The following KRT14 variants were observed in gnomAD, a reference collection of about 807,000 sequenced individuals.
The protein encoded by KRT14 is keratin, type I cytoskeletal 14.
KRT14 carries 30 observed loss-of-function variants against 44.5 expected under a neutral mutation model. The observed-to-expected ratio is 0.67, with a 90% CI of 0.50 to 0.92. The LOEUF (loss-of-function observed/expected upper bound fraction) is 0.92, where lower values mean the gene tolerates loss of function less well. Ranked by LOEUF, KRT14 falls within the 40% of genes least tolerant of loss-of-function variation. The pLI, the probability that KRT14 is intolerant of heterozygous loss-of-function variation, is 0.00. For missense variants in KRT14, 535 were observed against 640.6 expected (o/e 0.84, Z 1.78); for synonymous variants, 241 against 257.6 (o/e 0.94, Z 0.62).
chr17:41,584,059 CTCTCTCTCTCTTTT>C, intron 3 of KRT14, 138 bp from the exon 4 acceptor site: 1 of 542,868 alleles, frequency 1.8e-6, no homozygotes, highest in Non-Finnish European at 2.9e-6. Context: ...CAATCTCTCT[CTCTCTCTCTCTTTT>C]TTTTTTTTTT....
Position 41,583,110 on chromosome 17 carries a change from C to G in KRT14, c.1305G>C (p.Ser435=). 7 of 1,612,592 alleles carry G rather than the reference C, an allele frequency of 4.3e-6. No individual in the cohort carries two copies. The highest frequency in any genetic ancestry group is 5.9e-6 in the Non-Finnish European group (7 of 1,179,854). ...HLSSSQFSSG[S]QSSRDVTSSS... ...GGGTCTTACCATCTCTGGATGACTG[C>G]GATCCAGAGGAGAACTGGGAGGAGG... Residue 435 remains serine (S), a synonymous_variant, in exon 7 of 8, where the codon TCG becomes TCC. Coordinates refer to ENST00000167586, the MANE Select transcript of KRT14 (RefSeq NM_000526.5).
chr17:41,586,713 C>G lies in KRT14; in HGVS notation c.122G>C (p.Arg41Pro), dbSNP rs566001198. ...GCCGCCCCCGTAGGTGCTGGGGGCG[C>G]GGCAGGACCCTCCGGCCAGGACGGA... Reference protein sequence around the residue: ...ISSVLAGGSCRAPSTYGGGLS... With the variant: ...ISSVLAGGSCPAPSTYGGGLS... The change falls in exon 1 of 8, where the codon CGC becomes CCC. Residue 41 changes from arginine (R) to proline (P), a missense_variant. Transcript: ENST00000167586. The G allele has an allele frequency of 4.4e-6, 7 of 1,589,174 alleles. No homozygotes were observed. In the South Asian group the frequency reaches 7.9e-5, roughly 18 times the overall value.
intron 2 of KRT14, among the ~76,000 whole-genome samples, chr17:41,584,717 T>C (rs1245072177): frequency 6.6e-6 from 1 of 152,172 alleles, no homozygotes; most frequent in Non-Finnish European, 1.5e-5. Flanking sequence ...CAAGGGCAGC[T>C]GGGGAAGTGG....
In KRT14 at chr17:41,582,345, C is replaced by T; in HGVS notation, c.*90G>A. 3.2e-6 allele frequency: 3 copies of T among 944,592 alleles called. No individual in the cohort carries two copies. Among genetic ancestry groups the T allele is most frequent in the East Asian group, 2.6e-5 (1 of 37,970 alleles). 58.5% of individuals were successfully genotyped at this position (944,592 alleles called of 1,614,324 possible). ...GGGGTGAGGGTGAAGCAGGGTCCAGCTGTGAAGTGCTTGGGCAGGAGAGGG... is the reference window on the plus strand; with the variant it reads ...GGGGTGAGGGTGAAGCAGGGTCCAGTTGTGAAGTGCTTGGGCAGGAGAGGG... On this transcript the variant is annotated 3_prime_UTR_variant, in exon 8 of 8. Coordinates refer to ENST00000167586, the MANE Select transcript of KRT14 (RefSeq NM_000526.5).
Position 41,583,114 on chromosome 17 carries a change from C to A in KRT14, c.1301G>T (p.Gly434Val), listed in dbSNP as rs1211121675. 1 of 1,613,118 alleles carries A rather than the reference C, an allele frequency of 6.2e-7. No homozygotes were observed. The highest frequency in any genetic ancestry group is 1.3e-5 in the African/African-American group (1 of 74,820). The change falls in exon 7 of 8, where the codon GGA (glycine) becomes GTA (valine). Residue 434 changes from glycine (G) to valine (V), a missense_variant. Physicochemically the swap from Gly to Val is moderately radical, Grantham distance 109. Transcript: ENST00000167586. ...AHLSSSQFSS[G>V]SQSSRDVTSS... is the part of the protein sequence containing the mutation. ...CTTACCATCTCTGGATGACTGCGATCCAGAGGAGAACTGGGAGGAGGAGAG... is the reference window on the plus strand; with the variant it reads ...CTTACCATCTCTGGATGACTGCGATACAGAGGAGAACTGGGAGGAGGAGAG...
At position 41,586,746 on chromosome 17, in the gene KRT14, C is replaced by T. The variant is rs756137651; in HGVS notation, c.89G>A (p.Arg30His). The T allele has an allele frequency of 8.8e-6, 14 of 1,584,344 alleles. No homozygotes were observed. The highest frequency in any genetic ancestry group is 6.7e-5 in the African/African-American group (5 of 74,170). The change falls in exon 1 of 8, where the codon CGC becomes CAC. Residue 30 changes from arginine (R) to histidine (H), a missense_variant. By Grantham distance (29) the Arg-to-His change is conservative. Coordinates refer to ENST00000167586, the MANE Select transcript of KRT14 (RefSeq NM_000526.5). ...IGGGIGGGSS[R>H]ISSVLAGGSC... is the part of the protein sequence containing the mutation. ...CCCTCCGGCCAGGACGGAGGAGATG[C>T]GGCTGGAGCCGCCCCCGATGCCGCC...
intron 7 of KRT14, chr17:41,582,868 A>G: frequency 1.6e-6 from 1 of 615,488 alleles, no homozygotes; most frequent in Non-Finnish European, 2.9e-6. Context: ...CACAACAGCA[A>G]TAGGATCTGC....
At chr17:41,583,703 C>A in intron 4 of KRT14, 27 bp from the exon 5 acceptor site, 1 of 1,614,266 alleles carries the variant, frequency 6.2e-7, no homozygotes, top group South Asian at 1.1e-5. Flanking sequence ...GCCATTCACA[C>A]CAGAAGGCCC....
At chr17:41,583,982 T>G in intron 3 of KRT14, 61 bp from the exon 4 acceptor site, 1 of 1,593,788 alleles carries the variant, frequency 6.3e-7, no homozygotes, top group Non-Finnish European at 8.6e-7. Flanking sequence ...TTGGTGTTCC[T>G]TAGGCCTGAA....
chr17:41,583,464 G>T lies in KRT14; in HGVS notation c.1054-9C>A, dbSNP rs780581857. ...TTCTCCAGGGATGCTTTCTGTGAGG[G>T]AGGGAAAGGGAATCAACGATTAGTG... On this transcript the variant is annotated splice_polypyrimidine_tract_variant and intron_variant, in intron 5 of 7. Coordinates refer to ENST00000167586, the MANE Select transcript of KRT14 (RefSeq NM_000526.5). 1 of 1,614,068 alleles carries T rather than the reference G, an allele frequency of 6.2e-7. No homozygotes were observed. Among genetic ancestry groups the T allele is most frequent in the African/African-American group, 1.3e-5 (1 of 74,932 alleles).
Position 41,583,412 on chromosome 17 carries a change from T to C in KRT14, c.1097A>G (p.Tyr366Cys), listed in dbSNP as rs1292636690. Reference sequence around the variant, plus strand: ...CTGGATCTGGGCCAGCTGCATGCAGTAGCGACCTTTGGTCTCCTCCAGGCT... The same window carrying C: ...CTGGATCTGGGCCAGCTGCATGCAGCAGCGACCTTTGGTCTCCTCCAGGCT... ...ENSLEETKGR[Y>C]CMQLAQIQEM... Residue 366 changes from tyrosine to cysteine, a missense_variant, in exon 6 of 8, where the codon TAC becomes TGC. Coordinates refer to ENST00000167586, the MANE Select transcript of KRT14 (RefSeq NM_000526.5). The C allele has an allele frequency of 6.2e-7, 1 of 1,613,992 alleles. No individual in the cohort carries two copies. The highest frequency in any genetic ancestry group is 1.7e-5 in the Admixed American group (1 of 60,024).
Position 41,582,318 on chromosome 17 carries a change from A to C in KRT14, c.*117T>G. The C allele has an allele frequency of 1.4e-6, 1 of 722,460 alleles. No individual in the cohort carries two copies. Among genetic ancestry groups the C allele is most frequent in the Non-Finnish European group, 2.4e-6 (1 of 408,842 alleles). 44.8% of individuals were successfully genotyped at this position (722,460 alleles called of 1,614,324 possible). ...TAATGAAGCTGTATTGATTGCCAGGAGGGGGTGAGGGTGAAGCAGGGTCCA... is the reference window on the plus strand; with the variant it reads ...TAATGAAGCTGTATTGATTGCCAGGCGGGGGTGAGGGTGAAGCAGGGTCCA... On this transcript the variant is annotated 3_prime_UTR_variant, in exon 8 of 8. Coordinates refer to ENST00000167586, the MANE Select transcript of KRT14 (RefSeq NM_000526.5).
rs1907369884 is a variant in KRT14 at position 41,582,521 on chromosome 17, TGGA to T, written c.1330_1332del (p.Ser445del). On this transcript the variant is annotated inframe_deletion, in exon 8 of 8. Coordinates refer to ENST00000167586, the MANE Select transcript of KRT14 (RefSeq NM_000526.5). ...ATGACCTTGGTGCGGATTTGGCGGCTGGAGGAGGTCACTGGGGAAGAGGTGGGA... is the reference window on the plus strand; with the variant it reads ...ATGACCTTGGTGCGGATTTGGCGGCTGGAGGTCACTGGGGAAGAGGTGGGA... 1 of 1,564,890 alleles carries T rather than the reference TGGA, an allele frequency of 6.4e-7. No individual in the cohort carries two copies. Among genetic ancestry groups the T allele is most frequent in the South Asian group, 1.2e-5 (1 of 84,786 alleles).
At chr17:41,584,015 T>C in intron 3 of KRT14, 94 bp from the exon 4 acceptor site, 1 of 1,285,974 alleles carries the variant, frequency 7.8e-7, no homozygotes, top group East Asian at 2.5e-5. Context: ...ACCATCACAA[T>C]TCTATCTCGA....
Position 41,584,425 on chromosome 17 carries a change from C to G in KRT14, c.609-12G>C. On this transcript the variant is annotated splice_polypyrimidine_tract_variant and intron_variant, in intron 2 of 7. Coordinates refer to ENST00000167586, the MANE Select transcript of KRT14 (RefSeq NM_000526.5). ...ACTCTGTCTCATACCTGGAATGACCCCAGAGAAAAGGTATGAGACACCCAT... is the reference window on the plus strand; with the variant it reads ...ACTCTGTCTCATACCTGGAATGACCGCAGAGAAAAGGTATGAGACACCCAT... The G allele has an allele frequency of 6.2e-7, 1 of 1,613,760 alleles. No individual in the cohort carries two copies. The highest frequency in any genetic ancestry group is 2.2e-5 in the East Asian group (1 of 44,876).
Position 41,583,580 on chromosome 17 carries a change from C to T in KRT14, c.1024G>A (p.Glu342Lys), listed in dbSNP as rs1277684376. ...SELRRTMQNL[E>K]IELQSQLSMK... Reference sequence around the variant, plus strand: ...CTGAGCTGGGACTGCAGCTCAATCTCCAGGTTCTGCATGGTGCGCCGGAGC... The same window carrying T: ...CTGAGCTGGGACTGCAGCTCAATCTTCAGGTTCTGCATGGTGCGCCGGAGC... Residue 342 changes from glutamate (E) to lysine (K), a missense_variant, in exon 5 of 8, where the codon GAG (glutamate) becomes AAG (lysine). Transcript: ENST00000167586. 1 of 1,614,234 alleles carries T rather than the reference C, an allele frequency of 6.2e-7. No individual in the cohort carries two copies. Among genetic ancestry groups the T allele is most frequent in the Non-Finnish European group, 8.5e-7 (1 of 1,180,038 alleles).
In KRT14 at chr17:41,583,330, C is replaced by T; in HGVS notation, c.1179G>A (p.Gln393=). The T allele has an allele frequency of 6.2e-7, 1 of 1,613,788 alleles. No homozygotes were observed. Among genetic ancestry groups the T allele is most frequent in the African/African-American group, 1.3e-5 (1 of 75,042 alleles). The change falls in exon 6 of 8, where the codon CAG becomes CAA. Residue 393 remains glutamine (Q), a synonymous_variant. Transcript: ENST00000167586. ...QLAQLRCEME[Q]QNQEYKILLD... is the part of the protein sequence containing the mutation. Reference sequence around the variant, plus strand: ...GCAGGATCTTGTACTCCTGGTTCTGCTGCTCCATCTCGCAGCGGAGCTGGG... The same window carrying T: ...GCAGGATCTTGTACTCCTGGTTCTGTTGCTCCATCTCGCAGCGGAGCTGGG...
intron 2 of KRT14, 143 bp downstream of exon 2, chr17:41,584,832 C>A (rs1907472911): frequency 1.4e-6 from 1 of 720,580 alleles, no homozygotes; most frequent in Non-Finnish European, 2.5e-6. Flanking sequence ...GGGTGGGGCC[C>A]AAGAGTCTTA....
Position 41,586,312 on chromosome 17 carries a change from T to C in KRT14, c.523A>G (p.Lys175Glu). 6.2e-7 allele frequency: 1 copy of C among 1,612,172 alleles called. No individual in the cohort carries two copies. Among genetic ancestry groups the C allele is most frequent in the Non-Finnish European group, 8.5e-7 (1 of 1,179,926 alleles). Residue 175 changes from lysine (K) to glutamate (E), a missense_variant and splice_region_variant, in exon 1 of 8, where the codon AAG (lysine) becomes GAG (glutamate). Coordinates refer to ENST00000167586, the MANE Select transcript of KRT14 (RefSeq NM_000526.5). ...YFKTIEDLRN[K>E]ILTATVDNAN... ...CCTTCTGCTGCCCATTCACCCACCTTGTTCCTCAGGTCCTCAATGGTCTTG... is the reference window on the plus strand; with the variant it reads ...CCTTCTGCTGCCCATTCACCCACCTCGTTCCTCAGGTCCTCAATGGTCTTG...
Sources: gnomAD v4.1 joint callset for allele counts (sites outside exome capture counted in the v4.1 genomes callset) on GRCh38, gnomAD v4.1.1 for gene constraint, MANE v1.5 for transcripts, NCBI Gene and HGNC (gene_info 2026-07-23, HGNC 2026-07-21) for gene names.